Variants in BEAN1 observed in about 807,000 individuals in gnomAD.
BEAN1 encodes protein BEAN1.
In BEAN1, 17 loss-of-function variants were observed where a neutral mutation model predicts 17.7. The observed-to-expected ratio is 0.96, with a 90% CI of 0.66 to 1.44. The LOEUF (loss-of-function observed/expected upper bound fraction) is 1.44, where lower values mean the gene tolerates loss of function less well. Among genes scored for constraint, BEAN1 ranks in the 40% most tolerant of loss-of-function variants. The pLI is 0.00. For synonymous variants in BEAN1, 142 were observed against 151.8 expected, an observed-to-expected ratio of 0.94 and a Z score of 0.47; for missense variants, 359 against 374.1, an observed-to-expected ratio of 0.96 and a Z score of 0.33.
Position 66,431,603 on chromosome 16 carries a change from G to GTT in BEAN1, c.-83+4182_-83+4183dup, listed in dbSNP as rs35362890. Among the ~76,000 whole-genome samples, 905 of 148,532 alleles carry GTT rather than the reference G, an allele frequency of 6.1e-3. 7 individuals carry two copies. The highest frequency in any genetic ancestry group is 0.014 in the African/African-American group (578 of 40,496). ...TTGCTATGTATTAATATATTCCCTA[G>GTT]TTTTTTTTTTTCTTTTACAAAATAA... On this transcript the variant is annotated intron_variant, in intron 1 of 4. Coordinates refer to ENST00000536005, the MANE Select transcript of BEAN1 (RefSeq NM_001178020.3).
chr16:66,428,907 GCT>G (rs1322066530), intron 1 of BEAN1, among the ~76,000 whole-genome samples: 1 of 152,082 alleles, frequency 6.6e-6, no homozygotes, highest in African/African-American at 2.4e-5. Flanking sequence ...CTCCTCCAAG[GCT>G]CTCTACCGCC....
chr16:66,490,737 T>C (rs966559820), intron 4 of BEAN1, among the ~76,000 whole-genome samples: 2 of 152,112 alleles, frequency 1.3e-5, no homozygotes, highest in South Asian at 2.1e-4. Context: ...AAGATGCAGA[T>C]GCTGATGTGC....
intron 2 of BEAN1, among the ~76,000 whole-genome samples, chr16:66,465,980 C>T (rs554906825): frequency 1.3e-5 from 2 of 151,012 alleles, no homozygotes; most frequent in East Asian, 3.9e-4. Context: ...ACCTGGCTAA[C>T]TTTTTGTATT....
chr16:66,447,106 C>T (rs751847362), intron 2 of BEAN1, among the ~76,000 whole-genome samples: 4 of 152,144 alleles, frequency 2.6e-5, no homozygotes, highest in Non-Finnish European at 5.9e-5. Flanking sequence ...CCTGTCTCTA[C>T]AAAAAATTTA....
At chr16:66,450,584 G>A (rs1038822649) in intron 2 of BEAN1, among the ~76,000 whole-genome samples, 18 of 152,098 alleles carry the variant, frequency 1.2e-4, no homozygotes, top group Non-Finnish European at 1.8e-4. Flanking sequence ...CAGGTGTGGT[G>A]GTACACACCT....
intron 3 of BEAN1, among the ~76,000 whole-genome samples, chr16:66,474,655 T>C (rs1325738909): frequency 7.6e-5 from 3 of 39,344 alleles, no homozygotes; most frequent in African/African-American, 3.4e-4. Context: ...GGAGGGGAAA[T>C]AGAGAAGAGA....
downstream of BEAN1, among the ~76,000 whole-genome samples, chr16:66,494,471 C>T (rs568297753): frequency 3.9e-5 from 6 of 152,202 alleles, no homozygotes; most frequent in Admixed American, 3.3e-4. Context: ...CATCAGAGAC[C>T]GACCCAGAGA....
At chr16:66,476,877 G>GT (rs1479600825) in intron 3 of BEAN1, among the ~76,000 whole-genome samples, 2 of 151,170 alleles carry the variant, frequency 1.3e-5, no homozygotes, top group Admixed American at 6.6e-5. Context: ...CTGGTGCATG[G>GT]TAAAAAATGC....
intron 2 of BEAN1, among the ~76,000 whole-genome samples, chr16:66,446,984 A>G (rs1344487051): frequency 6.6e-6 from 1 of 152,122 alleles, no homozygotes; most frequent in Admixed American, 6.5e-5. Flanking sequence ...AGAGAGAGGA[A>G]CCCAGCCAGC....
At chr16:66,445,257 A>T (rs1962401139) in intron 2 of BEAN1, among the ~76,000 whole-genome samples, 1 of 151,780 alleles carries the variant, frequency 6.6e-6, no homozygotes, top group South Asian at 2.1e-4. Flanking sequence ...CAGGCAGATC[A>T]CAAGGTCAGG....
rs1963464458 is a variant in BEAN1, at chr16:66,471,062, G to A, written c.289+1197G>A. Among the ~76,000 whole-genome samples the A allele has an allele frequency of 6.6e-6, 1 of 152,196 alleles. No individual in the cohort carries two copies. The highest frequency in any genetic ancestry group is 1.5e-5 in the Non-Finnish European group (1 of 68,036). On this transcript the variant is annotated intron_variant, in intron 3 of 4. Coordinates refer to ENST00000536005, the MANE Select transcript of BEAN1 (RefSeq NM_001178020.3). The surrounding 1 kb of genome is among the most constrained non-coding windows in gnomAD (Gnocchi z 4.7). The stretch of plus-strand genomic sequence containing the variant: ...GACCTGAGGCGTTTCCCTCTCCAAG[G>A]CAGGAAAAGCTTGGGGAAAAGAAAG...
At chr16:66,484,827 C>G, downstream of BEAN1, 1 of 454,110 alleles carries the variant, frequency 2.2e-6, no homozygotes, top group South Asian at 1.6e-5. This position sits in a 1 kb window ranked among gnomAD's most constrained non-coding sequence, Gnocchi z 4.2. Flanking sequence ...GTGGGAGAGA[C>G]GGGTTGTTTG....
chr16:66,490,218 TAAAAAAAAAAA>T lies in BEAN1; in HGVS notation c.148-2725_148-2715del, dbSNP rs774079713. On this transcript the variant is annotated intron_variant, in intron 4 of 4. Transcript: ENST00000561796. ...CAACATGGTGAAATCCCATCTCTAC[TAAAAAAAAAAA>T]AAAAAAAAAAAAAAAAAATTAGCCA... Among the ~76,000 whole-genome samples, 3 of 43,638 alleles carry T rather than the reference TAAAAAAAAAAA, an allele frequency of 6.9e-5. No individual in the cohort carries two copies. The South Asian group carries it at 2.4e-3, about 36-fold the overall frequency. 28.6% of individuals were successfully genotyped at this position (43,638 alleles called of 152,430 possible).
intron 2 of BEAN1, among the ~76,000 whole-genome samples, chr16:66,457,962 T>A (rs1962936051): frequency 6.6e-6 from 1 of 152,104 alleles, no homozygotes; most frequent in Non-Finnish European, 1.5e-5. Context: ...TTCCAATGAC[T>A]CCACGCCTCA....
Position 66,473,464 on chromosome 16 carries a change from C to T in BEAN1, c.289+3599C>T, listed in dbSNP as rs1007031185. 5.3e-5 allele frequency among the ~76,000 whole-genome samples: 8 copies of T among 152,134 alleles called. No individual in the cohort carries two copies. The highest frequency in any genetic ancestry group is 7.2e-5 in the African/African-American group (3 of 41,424). On this transcript the variant is annotated intron_variant, in intron 3 of 4. Coordinates refer to ENST00000536005, the MANE Select transcript of BEAN1 (RefSeq NM_001178020.3). The surrounding 1 kb of genome is among the most constrained non-coding windows in gnomAD (Gnocchi z 4.5). Reference sequence around the variant, plus strand: ...TCTTCCCCCAGCCTTCTGGAGGATGCGCAGGGGCTGCCGGGAGCCTTGGGA... The same window carrying T: ...TCTTCCCCCAGCCTTCTGGAGGATGTGCAGGGGCTGCCGGGAGCCTTGGGA...
chr16:66,479,038 A>T (rs1415989905), intron 4 of BEAN1: 1 of 152,276 alleles, frequency 6.6e-6, no homozygotes, highest in African/African-American at 2.4e-5. Context: ...GACGCCGCCC[A>T]GGTTGATGCT....
At chr16:66,485,025 G>A (rs1444671793), downstream of BEAN1, 1 of 454,112 alleles carries the variant, frequency 2.2e-6, no homozygotes, top group Admixed American at 2.3e-5. Flanking sequence ...GGTGTGGTGA[G>A]GTCCCAGGTC....
At chr16:66,490,445 A>C (rs1482747845) in intron 4 of BEAN1, among the ~76,000 whole-genome samples, 3 of 140,556 alleles carry the variant, frequency 2.1e-5, no homozygotes, top group Non-Finnish European at 4.5e-5. Context: ...AAAATAAAAT[A>C]AAATAAAATA....
At chr16:66,459,271 A>C (rs568689933) in intron 2 of BEAN1, among the ~76,000 whole-genome samples, 1 of 151,650 alleles carries the variant, frequency 6.6e-6, no homozygotes, top group South Asian at 2.1e-4. Flanking sequence ...AAACACTCTG[A>C]CCACGCCCCT....
Sources: gnomAD v4.1 joint callset for allele counts (sites outside exome capture counted in the v4.1 genomes callset) on GRCh38, gnomAD v4.1.1 for gene constraint, Gnocchi (gnomAD v3.1) non-coding constraint, MANE v1.5 for transcripts, NCBI Gene and HGNC (gene_info 2026-07-23, HGNC 2026-07-21) for gene names.